GRM3: variants seen among roughly 807,000 people sequenced by gnomAD.
GRM3 encodes metabotropic glutamate receptor 3.
In GRM3, 26 loss-of-function variants were observed where a neutral mutation model predicts 70.5. The ratio of observed to expected loss-of-function variants is 0.37; its 90% confidence interval spans 0.27 to 0.51. GRM3 has a LOEUF of 0.51. Among genes scored for constraint, GRM3 ranks in the 20% least tolerant of loss-of-function variants. The pLI is 0.93. For synonymous variants in GRM3, 443 were observed against 434.9 expected (o/e 1.02, Z -0.23); for missense variants, 859 against 1,123.8 (o/e 0.76, Z 3.37).
intron 1 of GRM3, among the ~76,000 whole-genome samples, chr7:86,713,111 G>C (rs976670536): frequency 1.3e-5 from 2 of 151,920 alleles, no homozygotes; most frequent in African/African-American, 4.8e-5. Context: ...CAAGGGTTCT[G>C]CTTTTTATAT....
At chr7:86,753,515 C>A (rs567865345) in intron 1 of GRM3, among the ~76,000 whole-genome samples, 2 of 152,098 alleles carry the variant, frequency 1.3e-5, no homozygotes, top group Non-Finnish European at 2.9e-5. Context: ...GCATACACAC[C>A]AAAATATCTT....
intron 1 of GRM3, among the ~76,000 whole-genome samples, chr7:86,673,916 C>T (rs1250111906): frequency 1.3e-5 from 2 of 152,102 alleles, no homozygotes; most frequent in East Asian, 3.8e-4. Context: ...CTCCTACCCA[C>T]CTTTACCTGC....
intron 3 of GRM3, among the ~76,000 whole-genome samples, chr7:86,807,661 T>A (rs1318332450): frequency 3.3e-5 from 5 of 152,072 alleles, no homozygotes; most frequent in Non-Finnish European, 7.4e-5. Flanking sequence ...ATGATGGGGT[T>A]TTCTAAATAT....
chr7:86,646,835 CTTATAA>C (rs1220824518), intron 1 of GRM3, among the ~76,000 whole-genome samples: 1 of 152,064 alleles, frequency 6.6e-6, no homozygotes, highest in Non-Finnish European at 1.5e-5. Context: ...ACAAAAAAAT[CTTATAA>C]TTAAAATATA....
chr7:86,661,632 A>C (rs1429691311), intron 1 of GRM3, among the ~76,000 whole-genome samples: 1 of 152,024 alleles, frequency 6.6e-6, no homozygotes, highest in African/African-American at 2.4e-5. Flanking sequence ...GAAGCAAAGC[A>C]TTCTTGGATA....
At chr7:86,828,111 CAAAAAAA>C (rs55645713) in intron 3 of GRM3, among the ~76,000 whole-genome samples, 139 of 68,290 alleles carry the variant, frequency 2.0e-3, no homozygotes, top group East Asian at 0.02. Flanking sequence ...AACTCCGTAT[CAAAAAAA>C]AAAAAAAAAA....
intron 3 of GRM3, among the ~76,000 whole-genome samples, chr7:86,806,823 G>T (rs1479868439): frequency 6.6e-6 from 1 of 151,862 alleles, no homozygotes; most frequent in Non-Finnish European, 1.5e-5. Flanking sequence ...CCTTGCCCAT[G>T]CCTATGTCCT....
intron 1 of GRM3, among the ~76,000 whole-genome samples, chr7:86,760,844 C>T (rs964644385): frequency 3.3e-5 from 5 of 151,946 alleles, no homozygotes; most frequent in African/African-American, 1.2e-4. Context: ...CTTAGATATG[C>T]CCTGTCACAG....
chr7:86,661,295 G>A (rs1009495044), intron 1 of GRM3, among the ~76,000 whole-genome samples: 2 of 151,920 alleles, frequency 1.3e-5, no homozygotes, highest in African/African-American at 2.4e-5. Context: ...CTGGGAGTAG[G>A]CTACTTAATA....
At chr7:86,757,614 C>T (rs766488720) in intron 1 of GRM3, among the ~76,000 whole-genome samples, 29 of 152,184 alleles carry the variant, frequency 1.9e-4, no homozygotes, top group Non-Finnish European at 3.5e-4. Context: ...CAACTCCATG[C>T]AGCTCACTGC....
At chr7:86,707,000 A>C (rs1299491732) in intron 1 of GRM3, among the ~76,000 whole-genome samples, 1 of 151,998 alleles carries the variant, frequency 6.6e-6, no homozygotes, top group Non-Finnish European at 1.5e-5. Context: ...GCTTTTTAAA[A>C]TTTTCTTTGA....
At chr7:86,712,160 C>T (rs962329799) in intron 1 of GRM3, among the ~76,000 whole-genome samples, 2 of 151,982 alleles carry the variant, frequency 1.3e-5, no homozygotes, top group East Asian at 3.9e-4. Context: ...TGCCCCTTAA[C>T]CTCCTCTTCA....
At chr7:86,859,172 G>A (rs1436278936) in intron 5 of GRM3, among the ~76,000 whole-genome samples, 13 of 152,072 alleles carry the variant, frequency 8.5e-5, no homozygotes, top group Admixed American at 8.5e-4. Context: ...TGCCCAGGCT[G>A]GTCTCAAACT....
intron 1 of GRM3, among the ~76,000 whole-genome samples, chr7:86,744,847 C>A (rs528343328): frequency 4.6e-5 from 7 of 152,138 alleles, no homozygotes; most frequent in African/African-American, 9.6e-5. Flanking sequence ...ACATGAAAAG[C>A]ACTCCTGGAA....
At chr7:86,859,927 A>G (rs1346387704) in intron 5 of GRM3, among the ~76,000 whole-genome samples, 2 of 152,198 alleles carry the variant, frequency 1.3e-5, no homozygotes, top group African/African-American at 2.4e-5. Context: ...TTTGTGAAGC[A>G]AAATATGCCT....
chr7:86,832,944 T>A, intron 3 of GRM3: 2 of 874,846 alleles, frequency 2.3e-6, no homozygotes, highest in African/African-American at 3.6e-5. Flanking sequence ...AGCTTGAAAT[T>A]AGAGTTTGGA....
intron 1 of GRM3, among the ~76,000 whole-genome samples, chr7:86,748,270 C>T (rs768868922): frequency 1.3e-5 from 2 of 151,994 alleles, no homozygotes; most frequent in Non-Finnish European, 2.9e-5. Context: ...CACTAGTACC[C>T]TTGACTCTTT....
At chr7:86,835,949 A>G (rs2116727534) in intron 3 of GRM3, among the ~76,000 whole-genome samples, 1 of 152,344 alleles carries the variant, frequency 6.6e-6, no homozygotes, top group Admixed American at 6.5e-5. Context: ...ACATCCCAAA[A>G]GAAAACAAGC....
chr7:86,761,153 C>T (rs996691341), intron 1 of GRM3, among the ~76,000 whole-genome samples: 23 of 152,110 alleles, frequency 1.5e-4, no homozygotes, highest in Admixed American at 1.4e-3. Flanking sequence ...CATTTGTTTA[C>T]AACTAAAGTA....
Sources: gnomAD v4.1 joint callset for allele counts (sites outside exome capture counted in the v4.1 genomes callset) on GRCh38, gnomAD v4.1.1 for gene constraint, MANE v1.5 for transcripts, NCBI Gene and HGNC (gene_info 2026-07-23, HGNC 2026-07-21) for gene names.